Variants in RAB28 observed in about 807,000 individuals in gnomAD.
RAB28 encodes the protein ras-related protein Rab-28.
RAB28 carries 24 observed loss-of-function variants against 31.7 expected under a neutral mutation model. That is an observed-to-expected ratio of 0.76 (90% confidence interval 0.55 to 1.06). RAB28 has a LOEUF of 1.06. Among genes scored for constraint, RAB28 ranks in the 50% least tolerant of loss-of-function variants. The pLI, the probability that RAB28 is intolerant of heterozygous loss-of-function variation, is 0.00. For missense variants in RAB28, 254 were observed against 258.5 expected, an observed-to-expected ratio of 0.98 and a Z score of 0.12; for synonymous variants, 100 against 90.4, an observed-to-expected ratio of 1.11 and a Z score of -0.60.
intron 4 of RAB28, among the ~76,000 whole-genome samples, chr4:13,400,336 A>T (rs376384928): frequency 6.6e-6 from 1 of 152,188 alleles, no homozygotes; most frequent in South Asian, 2.1e-4. Flanking sequence ...CATTTTAGAT[A>T]CAGTTTGCTT....
Position 13,367,953 on chromosome 4 carries a change from TTG to T in RAB28, c.*603_*604del. ...TAAAAATACAATATCAAATATTACT[TTG>T]TGAGTTACAAACTACAATATAAACA... On this transcript the variant is annotated 3_prime_UTR_variant, in exon 7 of 7. Coordinates refer to ENST00000330852, the MANE Select transcript of RAB28 (RefSeq NM_001017979.3). The T allele has an allele frequency of 1.3e-5, 13 of 975,130 alleles. No homozygotes were observed. Among genetic ancestry groups the T allele is most frequent in the Non-Finnish European group, 1.6e-5 (13 of 820,600 alleles). 60.4% of individuals were successfully genotyped at this position (975,130 alleles called of 1,614,324 possible).
intron 4 of RAB28, 124 bp downstream of exon 4, chr4:13,460,575 C>A: frequency 8.0e-7 from 1 of 1,252,214 alleles, no homozygotes; most frequent in East Asian, 2.4e-5. Flanking sequence ...ACCCCACCTC[C>A]AGACACCATC....
At position 13,465,401 on chromosome 4, in the gene RAB28, T is replaced by C. The variant is rs1490030891; in HGVS notation, c.262-4573A>G. Among the ~76,000 whole-genome samples the C allele has an allele frequency of 4.0e-5, 6 of 150,306 alleles. No homozygotes were observed. The South Asian group carries it at 8.3e-4, about 21-fold the overall frequency. On this transcript the variant is annotated intron_variant, in intron 3 of 6. Coordinates refer to ENST00000330852, the MANE Select transcript of RAB28 (RefSeq NM_001017979.3). ...GAAATCTTGAAAGAAGCTAGAAGAA[T>C]AGGGAAAATATCCTATCTATAAATG...
chr4:13,387,508 A>C (rs1729426728), intron 4 of RAB28, among the ~76,000 whole-genome samples: 1 of 152,086 alleles, frequency 6.6e-6, no homozygotes, highest in Non-Finnish European at 1.5e-5. Flanking sequence ...AAAAACAAAA[A>C]TCCATACCTC....
intron 4 of RAB28, among the ~76,000 whole-genome samples, chr4:13,417,751 G>C (rs535923366): frequency 6.6e-6 from 1 of 152,154 alleles, no homozygotes; most frequent in Non-Finnish European, 1.5e-5. Context: ...TAGGTCACAA[G>C]CATCAAAGGC....
At chr4:13,435,017 C>CAAAAAAAAAAAAAAAAAA (rs991889676) in intron 4 of RAB28, among the ~76,000 whole-genome samples, 3 of 46,984 alleles carry the variant, frequency 6.4e-5, no homozygotes, top group Non-Finnish European at 9.1e-5. Flanking sequence ...GACTCCGTCT[C>CAAAAAAAAAAAAAAAAAA]AAAAAAAAAA....
intron 4 of RAB28, among the ~76,000 whole-genome samples, chr4:13,435,707 GT>G (rs1714058977): frequency 6.6e-6 from 1 of 152,068 alleles, no homozygotes; most frequent in Admixed American, 6.5e-5. Context: ...ACAAAAACAA[GT>G]TACAAAATTG....
At chr4:13,473,300 A>G (rs1560146396) in intron 3 of RAB28, among the ~76,000 whole-genome samples, 1 of 151,930 alleles carries the variant, frequency 6.6e-6, no homozygotes, top group East Asian at 1.9e-4. Context: ...ACCAAACTCC[A>G]ATAAAGAACT....
At chr4:13,472,383 G>T (rs1282934005) in intron 3 of RAB28, among the ~76,000 whole-genome samples, 2 of 150,696 alleles carry the variant, frequency 1.3e-5, no homozygotes, top group Non-Finnish European at 3.0e-5. Context: ...TTATATAATA[G>T]TAATAAATTT....
chr4:13,459,925 A>C (rs1013272866), intron 4 of RAB28: 3 of 1,288,888 alleles, frequency 2.3e-6, no homozygotes, highest in Non-Finnish European at 2.0e-6. Flanking sequence ...GCTTTCCTAG[A>C]CCACAGGAAG....
At chr4:13,398,356 T>C (rs912081829) in intron 4 of RAB28, among the ~76,000 whole-genome samples, 3 of 152,126 alleles carry the variant, frequency 2.0e-5, no homozygotes, top group Admixed American at 1.3e-4. Flanking sequence ...AACTTCCACA[T>C]ACTAGGTAGA....
chr4:13,372,083 G>A (rs1467720562), intron 6 of RAB28, among the ~76,000 whole-genome samples: 1 of 152,080 alleles, frequency 6.6e-6, no homozygotes, highest in Non-Finnish European at 1.5e-5. Context: ...AACATACCCT[G>A]AAGGCTAAAA....
intron 4 of RAB28, among the ~76,000 whole-genome samples, chr4:13,432,365 C>A (rs1443918780): frequency 6.6e-6 from 1 of 152,080 alleles, no homozygotes; most frequent in African/African-American, 2.4e-5. Context: ...AGAAAACATA[C>A]TTAAGGAAAT....
intron 4 of RAB28, among the ~76,000 whole-genome samples, chr4:13,429,250 T>C (rs1209175223): frequency 6.6e-6 from 1 of 152,122 alleles, no homozygotes; most frequent in Admixed American, 6.6e-5. Flanking sequence ...CCTGGCCAAT[T>C]TCACTCTTTA....
At chr4:13,470,741 C>G (rs1716082884) in intron 3 of RAB28, among the ~76,000 whole-genome samples, 1 of 152,032 alleles carries the variant, frequency 6.6e-6, no homozygotes. Context: ...CTAAAGACTC[C>G]TAGAAATTTT....
At chr4:13,427,132 G>C (rs1713542456) in intron 4 of RAB28, among the ~76,000 whole-genome samples, 1 of 152,076 alleles carries the variant, frequency 6.6e-6, no homozygotes, top group Non-Finnish European at 1.5e-5. Flanking sequence ...TTTTCTCATT[G>C]TTTCTAGTTT....
At chr4:13,454,399 CT>C (rs1715175641) in intron 4 of RAB28, among the ~76,000 whole-genome samples, 1 of 152,054 alleles carries the variant, frequency 6.6e-6, no homozygotes, top group African/African-American at 2.4e-5. Flanking sequence ...CGTTTCCTTG[CT>C]TTTTCATGTT....
intron 4 of RAB28, among the ~76,000 whole-genome samples, chr4:13,428,389 T>C (rs1713628444): frequency 6.6e-6 from 1 of 151,826 alleles, no homozygotes; most frequent in Non-Finnish European, 1.5e-5. Context: ...TCCTGAAGAG[T>C]ATAAAATGTT....
chr4:13,371,320 G>C (rs2108873238), intron 6 of RAB28: 1 of 985,188 alleles, frequency 1.0e-6, no homozygotes, highest in South Asian at 4.7e-5. Context: ...GTGAAATATT[G>C]TATACCATTA....
Sources: gnomAD v4.1 joint callset for allele counts (sites outside exome capture counted in the v4.1 genomes callset) on GRCh38, gnomAD v4.1.1 for gene constraint, MANE v1.5 for transcripts, NCBI Gene and HGNC (gene_info 2026-07-23, HGNC 2026-07-21) for gene names.